ADIPOR2: variants seen among roughly 807,000 people sequenced by gnomAD.
The protein encoded by ADIPOR2 is adiponectin receptor protein 2.
A neutral mutation model predicts 40.9 loss-of-function variants in ADIPOR2; 18 were observed. That is an observed-to-expected ratio of 0.44 (90% CI 0.30 to 0.65). The LOEUF (loss-of-function observed/expected upper bound fraction) is 0.65, where lower values mean the gene tolerates loss of function less well. Ranked by LOEUF, ADIPOR2 falls within the 30% of genes least tolerant of loss-of-function variation. The pLI, the probability that ADIPOR2 is intolerant of heterozygous loss-of-function variation, is 0.09. For missense variants in ADIPOR2, 283 were observed against 479.2 expected (o/e 0.59, Z 3.82); for synonymous variants, 165 against 166.4 (o/e 0.99, Z 0.06).
intron 1 of ADIPOR2, among the ~76,000 whole-genome samples, chr12:1,721,296 A>G (rs180674452): frequency 8.1e-6 from 1 of 124,186 alleles, no homozygotes; most frequent in Non-Finnish European, 1.6e-5. Context: ...GCTCACTGCA[A>G]CCTCCACCTC....
chr12:1,703,991 A>G (rs372078279), intron 1 of ADIPOR2, among the ~76,000 whole-genome samples: 9 of 129,658 alleles, frequency 6.9e-5, no homozygotes, highest in African/African-American at 2.7e-4. Flanking sequence ...GGGATTACAG[A>G]TGTGAACCGC....
chr12:1,722,680 A>G (rs2094700132), intron 1 of ADIPOR2, among the ~76,000 whole-genome samples: 1 of 152,364 alleles, frequency 6.6e-6, no homozygotes, highest in South Asian at 2.1e-4. Context: ...TAAGGCCCAG[A>G]TTCGAATCTT....
intron 3 of ADIPOR2, among the ~76,000 whole-genome samples, chr12:1,773,772 T>A (rs1365592803): frequency 6.6e-6 from 1 of 152,218 alleles, no homozygotes; most frequent in Non-Finnish European, 1.5e-5. Flanking sequence ...TCATGGCTTT[T>A]ATGAAACCAA....
chr12:1,731,600 A>G (rs897112070), intron 1 of ADIPOR2, among the ~76,000 whole-genome samples: 2 of 152,212 alleles, frequency 1.3e-5, no homozygotes, highest in African/African-American at 4.8e-5. Context: ...ATGGAATCAT[A>G]TAGCATTTGT....
intron 2 of ADIPOR2, among the ~76,000 whole-genome samples, chr12:1,759,851 C>G (rs1273829248): frequency 1.3e-5 from 2 of 151,842 alleles, no homozygotes. Context: ...ATGCTGAAAC[C>G]CCGTCTCTAC....
chr12:1,692,247 T>C (rs1391952979), intron 1 of ADIPOR2, among the ~76,000 whole-genome samples: 1 of 152,192 alleles, frequency 6.6e-6, no homozygotes, highest in Non-Finnish European at 1.5e-5. Flanking sequence ...GCATTATTTT[T>C]TGGGGGGAGG....
At chr12:1,692,539 C>T (rs545514585) in intron 1 of ADIPOR2, among the ~76,000 whole-genome samples, 34 of 152,150 alleles carry the variant, frequency 2.2e-4, no homozygotes, top group Admixed American at 3.3e-4. Flanking sequence ...ACTGTCTGTC[C>T]TCCAGTATAC....
At chr12:1,761,673 T>C (rs1862272877) in intron 2 of ADIPOR2, among the ~76,000 whole-genome samples, 2 of 152,318 alleles carry the variant, frequency 1.3e-5, no homozygotes, top group South Asian at 4.1e-4. Flanking sequence ...AATTTGGAAA[T>C]AGAAGCTAAA....
At chr12:1,739,662 T>G (rs1351173840) in intron 1 of ADIPOR2, among the ~76,000 whole-genome samples, 2 of 152,246 alleles carry the variant, frequency 1.3e-5, no homozygotes, top group Non-Finnish European at 2.9e-5. Flanking sequence ...AGAGACCTTT[T>G]GTGGCCCACG....
chr12:1,757,599 A>G (rs1341794193), intron 2 of ADIPOR2: 4 of 1,205,460 alleles, frequency 3.3e-6, no homozygotes, highest in Middle Eastern at 1.9e-4. Context: ...GCCGGGCATC[A>G]TGAGTCACCA....
intron 1 of ADIPOR2, among the ~76,000 whole-genome samples, chr12:1,742,825 C>G (rs1386825954): frequency 1.3e-5 from 2 of 152,168 alleles, no homozygotes; most frequent in African/African-American, 4.8e-5. Flanking sequence ...TCCACAGATG[C>G]AGAACCCCAT....
At chr12:1,693,087 A>G (rs544311389) in intron 1 of ADIPOR2, among the ~76,000 whole-genome samples, 1 of 152,296 alleles carries the variant, frequency 6.6e-6, no homozygotes, top group South Asian at 2.1e-4. Context: ...CCCGGGAGGT[A>G]GAGGTTGCAG....
chr12:1,691,446 C>G (rs750322123), intron 1 of ADIPOR2, among the ~76,000 whole-genome samples: 1 of 152,172 alleles, frequency 6.6e-6, no homozygotes, highest in Non-Finnish European at 1.5e-5. Flanking sequence ...TCGGAGGAGT[C>G]CGGCGCCCGC....
chr12:1,703,624 G>C (rs1013173673), intron 1 of ADIPOR2, among the ~76,000 whole-genome samples: 2 of 151,958 alleles, frequency 1.3e-5, no homozygotes, highest in African/African-American at 4.8e-5. Context: ...GACTGAGGTG[G>C]GAGGATAGCT....
intron 1 of ADIPOR2, among the ~76,000 whole-genome samples, chr12:1,730,040 C>T (rs1395192931): frequency 1.3e-5 from 2 of 152,054 alleles, no homozygotes; most frequent in Non-Finnish European, 2.9e-5. Flanking sequence ...GTTAATATAT[C>T]ATTTAAGTGA....
rs1862885994 is a variant in ADIPOR2, at chr12:1,788,515, T to C, written c.*2443T>C. ...TAAATAGTGGCCTTTTTCAGTATTTTCCCTCTTCCCCTTTATAAATTATGC... is the reference window on the plus strand; with the variant it reads ...TAAATAGTGGCCTTTTTCAGTATTTCCCCTCTTCCCCTTTATAAATTATGC... On this transcript the variant is annotated 3_prime_UTR_variant, in exon 8 of 8. Coordinates refer to ENST00000357103, the MANE Select transcript of ADIPOR2 (RefSeq NM_024551.3). 1 of 152,622 alleles carries C rather than the reference T, an allele frequency of 6.6e-6. No individual in the cohort carries two copies. The highest frequency in any genetic ancestry group is 2.4e-5 in the African/African-American group (1 of 41,442). The allele number at this position is 152,622 out of a possible 1,614,324, so 9.5% of individuals were successfully genotyped here.
At chr12:1,762,340 T>C (rs1350051472) in intron 2 of ADIPOR2, among the ~76,000 whole-genome samples, 1 of 152,162 alleles carries the variant, frequency 6.6e-6, no homozygotes, top group African/African-American at 2.4e-5. Context: ...TTATAAAAAT[T>C]TATAATTGTT....
chr12:1,748,543 T>C lies in ADIPOR2; in HGVS notation c.-86-5715T>C, dbSNP rs550892569. 2.0e-4 allele frequency among the ~76,000 whole-genome samples: 31 copies of C among 152,252 alleles called. 1 individual carries two copies. Among genetic ancestry groups the C allele is most frequent in the South Asian group, 6.2e-4 (3 of 4,830 alleles). On this transcript the variant is annotated intron_variant, in intron 1 of 7. Transcript: ENST00000357103. ...GATTACAGGCGTGAGCCACCGTGCC[T>C]GGCCTGCGTTTTACATTTAAGTCTA...
chr12:1,719,963 C>T (rs1290739307), intron 1 of ADIPOR2, among the ~76,000 whole-genome samples: 2 of 152,112 alleles, frequency 1.3e-5, no homozygotes, highest in East Asian at 3.8e-4. Context: ...AGGCTTGAGC[C>T]ACCGTGTCTG....
Sources: gnomAD v4.1 joint callset for allele counts (sites outside exome capture counted in the v4.1 genomes callset) on GRCh38, gnomAD v4.1.1 for gene constraint, MANE v1.5 for transcripts, NCBI Gene and HGNC (gene_info 2026-07-23, HGNC 2026-07-21) for gene names.